Variants in SFTPD observed in about 807,000 individuals in gnomAD.
SFTPD encodes the protein pulmonary surfactant-associated protein D.
In SFTPD, 18 loss-of-function variants were observed where a neutral mutation model predicts 34.6. The ratio of observed to expected loss-of-function variants is 0.52; its 90% CI spans 0.36 to 0.77. The LOEUF is 0.77. Ranked by LOEUF, SFTPD falls within the 30% of genes least tolerant of loss-of-function variation. The pLI is 0.00. For synonymous variants in SFTPD, 155 were observed against 180.9 expected (o/e 0.86, Z 1.15); for missense variants, 433 against 468.9 (o/e 0.92, Z 0.71).
At chr10:79,960,410 C>G (rs1468740302) in intron 1 of SFTPD, among the ~76,000 whole-genome samples, 14 of 151,108 alleles carry the variant, frequency 9.3e-5, no homozygotes, top group Admixed American at 2.6e-4. Context: ...CGTCTCAGCC[C>G]AAAATCTCCT....
chr10:79,940,737 T>A lies in SFTPD; in HGVS notation c.719A>T (p.His240Leu), dbSNP rs749315812. 2.6e-5 allele frequency: 42 copies of A among 1,611,304 alleles called. No homozygotes were observed. The highest frequency in any genetic ancestry group is 3.2e-5 in the Non-Finnish European group (38 of 1,177,888). ...QVEALQGQVQ[H>L]LQAAFSQYKK... ...ATACTGAGAGAAAGCAGCCTGGAGG[T>A]GCTGTACTTGTCCCTGTAAGGCCTC... Residue 240 changes from histidine (H) to leucine (L), a missense_variant, in exon 7 of 8, where the codon CAC becomes CTC. Transcript: ENST00000372292.
chr10:79,962,575 T>G (rs1284543929), intron 1 of SFTPD, among the ~76,000 whole-genome samples: 1 of 152,148 alleles, frequency 6.6e-6, no homozygotes, highest in Non-Finnish European at 1.5e-5. Flanking sequence ...TCCATTCACC[T>G]GTCTTATGTT....
At chr10:79,969,013 T>G (rs1842819864) in intron 1 of SFTPD, 1 of 152,186 alleles carries the variant, frequency 6.6e-6, no homozygotes, top group Admixed American at 6.5e-5. Context: ...AATGGGGTTG[T>G]TTTTTGCCTG....
chr10:79,942,628 C>T, intron 3 of SFTPD, 124 bp from the exon 4 acceptor site: 1 of 913,484 alleles, frequency 1.1e-6, no homozygotes, highest in Non-Finnish European at 1.8e-6. Context: ...CAGCAGGTCC[C>T]ATCTGTCCTG....
intron 2 of SFTPD, 44 bp from the exon 3 acceptor site, chr10:79,942,923 A>C: frequency 8.0e-7 from 1 of 1,245,724 alleles, no homozygotes. Flanking sequence ...CCCTAGACCC[A>C]GAAAGGGCCA....
upstream of SFTPD, among the ~76,000 whole-genome samples, chr10:79,949,856 AT>A (rs5786427): frequency 6.3e-4 from 92 of 146,094 alleles, no homozygotes; most frequent in Admixed American, 8.1e-4. Flanking sequence ...GTCTGTATGT[AT>A]TTTTTTTTTT....
intron 2 of SFTPD, 66 bp from the exon 3 acceptor site, chr10:79,942,945 G>T: frequency 1.0e-6 from 1 of 988,348 alleles, no homozygotes; most frequent in Non-Finnish European, 1.6e-6. Context: ...CCTCCTGCAG[G>T]ATCAGCCCCT....
intron 1 of SFTPD, among the ~76,000 whole-genome samples, chr10:79,965,413 T>A (rs1223010422): frequency 6.6e-6 from 1 of 151,960 alleles, no homozygotes; most frequent in Non-Finnish European, 1.5e-5. Flanking sequence ...TCTCTCCCAC[T>A]CTAGGTTCCC....
chr10:79,951,782 T>A (rs1329077309), upstream of SFTPD, among the ~76,000 whole-genome samples: 4 of 152,170 alleles, frequency 2.6e-5, no homozygotes, highest in Non-Finnish European at 5.9e-5. Context: ...GATGGCCTGA[T>A]TCCCTGAAGG....
chr10:79,961,461 A>G (rs1842772320), intron 1 of SFTPD, among the ~76,000 whole-genome samples: 1 of 152,130 alleles, frequency 6.6e-6, no homozygotes, highest in East Asian at 1.9e-4. Flanking sequence ...AAAAAAAACA[A>G]CTCCATCAAA....
chr10:79,969,689 G>C (rs1032723479), intron 1 of SFTPD: 2 of 151,926 alleles, frequency 1.3e-5, no homozygotes, highest in Non-Finnish European at 2.9e-5. Context: ...CTTGGCCTCT[G>C]TATGTCTTCT....
intron 1 of SFTPD, among the ~76,000 whole-genome samples, chr10:79,959,333 TC>T (rs1470969557): frequency 1.3e-5 from 2 of 151,768 alleles, no homozygotes; most frequent in Non-Finnish European, 1.5e-5. Context: ...AAAAAACCCT[TC>T]AAAAAATTAA....
Position 79,939,800 on chromosome 10 carries a change from T to G in SFTPD, c.751+905A>C, listed in dbSNP as rs559279555. Among the ~76,000 whole-genome samples the G allele has an allele frequency of 2.6e-5, 4 of 152,320 alleles. No individual in the cohort carries two copies. In the East Asian group the frequency reaches 7.7e-4, roughly 29 times the overall value. ...ACTACTTCAGAAAACTTTAATCTTT[T>G]ATTTTTTGGCTCAATGAGATGCGCC... On this transcript the variant is annotated intron_variant, in intron 7 of 7. Transcript: ENST00000372292.
intron 1 of SFTPD, among the ~76,000 whole-genome samples, chr10:79,975,450 CT>C (rs1349418070): frequency 1.3e-5 from 2 of 152,186 alleles, no homozygotes. Flanking sequence ...CCAAGCTCCC[CT>C]TCTTACTCAC....
At chr10:79,951,783 T>G, upstream of SFTPD, among the ~76,000 whole-genome samples, 1 of 152,154 alleles carries the variant, frequency 6.6e-6, no homozygotes, top group East Asian at 1.9e-4. Flanking sequence ...ATGGCCTGAT[T>G]CCCTGAAGGG....
At chr10:79,982,173 C>T (rs1842894964) in intron 1 of SFTPD, 1 of 432,306 alleles carries the variant, frequency 2.3e-6, no homozygotes, top group African/African-American at 2.1e-5. Context: ...GACATGGGCA[C>T]CAAGCAGAGG....
chr10:79,942,685 T>C (rs1358559584), intron 3 of SFTPD, 78 bp downstream of exon 3: 1 of 1,071,436 alleles, frequency 9.3e-7, no homozygotes, highest in South Asian at 1.3e-5. Context: ...TGGGATGGGC[T>C]CTGTGCGTGC....
Position 79,940,686 on chromosome 10 carries a change from T to G in SFTPD, c.751+19A>C. On this transcript the variant is annotated intron_variant, in intron 7 of 7. Transcript: ENST00000372292. ...GCCCAATGCCAGTGCTGGGTCCAGG[T>G]TCAGATCCAGGAACTCACCTTTCTT... is the stretch of plus-strand genomic sequence containing the variant. 6.5e-7 allele frequency: 1 copy of G among 1,536,482 alleles called. No homozygotes were observed. Among genetic ancestry groups the G allele is most frequent in the Non-Finnish European group, 9.0e-7 (1 of 1,111,566 alleles).
intron 1 of SFTPD, among the ~76,000 whole-genome samples, chr10:79,978,739 T>C (rs1842875975): frequency 7.0e-6 from 1 of 143,052 alleles, no homozygotes; most frequent in Non-Finnish European, 1.5e-5. Flanking sequence ...ACAGGTAACA[T>C]CATTCTCAAT....
Sources: allele counts gnomAD v4.1 joint callset (sites outside exome capture counted in the v4.1 genomes callset), GRCh38; gene constraint gnomAD v4.1.1; transcripts MANE v1.5; gene names NCBI Gene and HGNC (gene_info 2026-07-23, HGNC 2026-07-21).